Variants in FYB2 observed in about 807,000 individuals in gnomAD.
FYB2 encodes FYN-binding protein 2.
FYB2 carries 103 observed loss-of-function variants against 94.1 expected under a neutral mutation model. The ratio of observed to expected loss-of-function variants is 1.09; its 90% confidence interval spans 0.93 to 1.29. FYB2 has a LOEUF of 1.29. FYB2 is among the 50% of genes most tolerant of loss of function. The pLI, the probability that FYB2 is intolerant of heterozygous loss-of-function variation, is 0.00. For synonymous variants in FYB2, 293 were observed against 287.9 expected (o/e 1.02, Z -0.18); for missense variants, 896 against 841.5 (o/e 1.06, Z -0.80).
intron 1 of FYB2, 100 bp downstream of exon 1, chr1:56,819,182 C>T: frequency 6.5e-7 from 1 of 1,532,272 alleles, no homozygotes; most frequent in Non-Finnish European, 9.0e-7. Flanking sequence ...CAGGAGGCAG[C>T]ACACACAAGC....
intron 2 of FYB2, among the ~76,000 whole-genome samples, chr1:56,790,085 C>T (rs1452752034): frequency 1.3e-5 from 2 of 152,298 alleles, no homozygotes; most frequent in South Asian, 2.1e-4. Context: ...CTGCCCTTTA[C>T]AGTGAAAATA....
At chr1:56,812,853 T>C (rs1646797738) in intron 1 of FYB2, among the ~76,000 whole-genome samples, 1 of 152,244 alleles carries the variant, frequency 6.6e-6, no homozygotes, top group Non-Finnish European at 1.5e-5. Context: ...ATAAATTCTC[T>C]CATTTTATTT....
In FYB2 at chr1:56,818,455, AACACACACACAC is replaced by A. The variant is rs3991685; in HGVS notation, c.9+815_9+826del. On this transcript the variant is annotated intron_variant, in intron 1 of 19. Coordinates refer to ENST00000343433, the MANE Select transcript of FYB2 (RefSeq NM_001004303.5). ...AATATATAATAAAAAGTATGGAAGC[AACACACACACAC>A]ACACACACACACACACACACACACA... 2.5e-3 allele frequency among the ~76,000 whole-genome samples: 354 copies of A among 139,962 alleles called. 4 individuals carry two copies. The highest frequency in any genetic ancestry group is 6.3e-3 in the South Asian group (25 of 3,986). The allele number at this position is 139,962 out of a possible 152,430, so 91.8% of individuals were successfully genotyped here. A position where few individuals can be genotyped will look rare whatever the true frequency, so the allele number is the denominator to read the frequency against.
chr1:56,738,961 C>G (rs537234437), intron 13 of FYB2, among the ~76,000 whole-genome samples: 26 of 152,060 alleles, frequency 1.7e-4, no homozygotes, highest in African/African-American at 6.0e-4. Context: ...CAAAAGAAGG[C>G]TGGAGGAGGG....
At chr1:56,789,938 T>C (rs1646222969) in intron 2 of FYB2, among the ~76,000 whole-genome samples, 1 of 152,188 alleles carries the variant, frequency 6.6e-6, no homozygotes, top group African/African-American at 2.4e-5. Flanking sequence ...AGGACTGGCT[T>C]CAAGGCTGAC....
At chr1:56,810,483 T>A (rs946624523) in intron 1 of FYB2, among the ~76,000 whole-genome samples, 1 of 152,120 alleles carries the variant, frequency 6.6e-6, no homozygotes, top group Non-Finnish European at 1.5e-5. Flanking sequence ...TTCTGCTCTG[T>A]TTAGACTTAG....
chr1:56,813,053 G>A (rs1157636476), intron 1 of FYB2, among the ~76,000 whole-genome samples: 2 of 152,178 alleles, frequency 1.3e-5, no homozygotes, highest in Non-Finnish European at 2.9e-5. Context: ...TCCTTGGCTT[G>A]TAGATGGCTG....
intron 15 of FYB2, among the ~76,000 whole-genome samples, chr1:56,732,923 G>T (rs1644742980): frequency 6.6e-6 from 1 of 151,928 alleles, no homozygotes; most frequent in African/African-American, 2.4e-5. Flanking sequence ...ATTGGTCTAG[G>T]AAAAGGTTTT....
chr1:56,750,738 T>G (rs1424489842), intron 9 of FYB2, among the ~76,000 whole-genome samples: 2 of 152,008 alleles, frequency 1.3e-5, no homozygotes, highest in Admixed American at 6.6e-5. Context: ...GATTTGGTCC[T>G]CATAAAAGCC....
At chr1:56,739,435 A>G (rs956881089) in intron 13 of FYB2, among the ~76,000 whole-genome samples, 3 of 152,032 alleles carry the variant, frequency 2.0e-5, no homozygotes, top group African/African-American at 7.2e-5. Context: ...TCTAGATCCA[A>G]TTGACAGTTG....
At chr1:56,767,994 C>A in intron 4 of FYB2, 56 bp from the exon 5 acceptor site, 1 of 1,369,276 alleles carries the variant, frequency 7.3e-7, no homozygotes, top group African/African-American at 1.5e-5. Context: ...ATTTTGAAAG[C>A]TTTTTGTATT....
At chr1:56,817,556 T>A (rs139863883) in intron 1 of FYB2, among the ~76,000 whole-genome samples, 136 of 152,324 alleles carry the variant, frequency 8.9e-4, no homozygotes, top group Middle Eastern at 3.4e-3. Context: ...AAGGCAGGTA[T>A]CTTCAACCGT....
intron 1 of FYB2, 22 bp from the exon 2 acceptor site, chr1:56,792,825 C>T (rs748442044): frequency 6.4e-6 from 10 of 1,566,470 alleles, no homozygotes; most frequent in East Asian, 4.5e-5. Context: ...AATAATCAAA[C>T]AAACAAACAA....
Position 56,792,172 on chromosome 1 carries a change from G to T in FYB2, c.641C>A (p.Ser214Tyr). 2 of 1,614,122 alleles carry T rather than the reference G, an allele frequency of 1.2e-6. No homozygotes were observed. Among genetic ancestry groups the T allele is most frequent in the Non-Finnish European group, 1.7e-6 (2 of 1,179,986 alleles). ...TCTGATATGTTGAGAAATTACAAAA[G>T]AGGGATCTTCAGAGACGTTATGTAA... ...KILHNVSEDP[S>Y]FVISQHIRKS... The change falls in exon 2 of 20, where the codon TCT (serine) becomes TAT (tyrosine). Residue 214 changes from serine (S) to tyrosine (Y), a missense_variant. Coordinates refer to ENST00000343433, the MANE Select transcript of FYB2 (RefSeq NM_001004303.5).
intron 5 of FYB2, among the ~76,000 whole-genome samples, chr1:56,763,851 A>G (rs1006398931): frequency 6.6e-6 from 1 of 151,668 alleles, no homozygotes; most frequent in Non-Finnish European, 1.5e-5. Context: ...CTTGCTTTCA[A>G]GAATTTTTCT....
chr1:56,723,046 A>C (rs1422463813), intron 17 of FYB2, among the ~76,000 whole-genome samples: 1 of 152,086 alleles, frequency 6.6e-6, no homozygotes, highest in Admixed American at 6.6e-5. Flanking sequence ...ATGCTGCATC[A>C]TTCATTTGTT....
chr1:56,766,942 A>C (rs1645637909), intron 5 of FYB2, among the ~76,000 whole-genome samples: 1 of 152,210 alleles, frequency 6.6e-6, no homozygotes, highest in Admixed American at 6.5e-5. Flanking sequence ...ACTTGTGGAA[A>C]AAGCATAGAA....
chr1:56,767,865 A>G lies in FYB2; in HGVS notation c.1027T>C (p.Ser343Pro), dbSNP rs747287377. ...TISYLRHSGN[S>P]INLCTAKEIA... ...TCTTTTGCAGTGCACAGGTTAATGGAGTTGCCAGAGTGTCTCAGATATGAA... is the reference window on the plus strand; with the variant it reads ...TCTTTTGCAGTGCACAGGTTAATGGGGTTGCCAGAGTGTCTCAGATATGAA... The change falls in exon 5 of 20, where the codon TCC becomes CCC. Residue 343 changes from serine to proline, a missense_variant. Physicochemically the swap from Ser to Pro is moderately conservative, Grantham distance 74. Coordinates refer to ENST00000343433, the MANE Select transcript of FYB2 (RefSeq NM_001004303.5). 1 of 1,612,128 alleles carries G rather than the reference A, an allele frequency of 6.2e-7. No homozygotes were observed. The highest frequency in any genetic ancestry group is 8.5e-7 in the Non-Finnish European group (1 of 1,179,014).
chr1:56,800,814 CA>C (rs1321175945), intron 1 of FYB2, among the ~76,000 whole-genome samples: 2 of 152,150 alleles, frequency 1.3e-5, no homozygotes, highest in Admixed American at 1.3e-4. Flanking sequence ...ACAGCAAAGG[CA>C]GCCCAGAGTC....
Sources: gnomAD v4.1 joint callset for allele counts (sites outside exome capture counted in the v4.1 genomes callset) on GRCh38, gnomAD v4.1.1 for gene constraint, MANE v1.5 for transcripts, NCBI Gene and HGNC (gene_info 2026-07-23, HGNC 2026-07-21) for gene names.